The following SYDE2 variants were observed in gnomAD, a reference collection of about 807,000 sequenced individuals.
SYDE2 encodes the protein rho GTPase-activating protein SYDE2.
In SYDE2, 76 loss-of-function variants were observed where a neutral mutation model predicts 91.5. The ratio of observed to expected loss-of-function variants is 0.83; its 90% confidence interval spans 0.69 to 1.01. SYDE2 has a LOEUF of 1.01. SYDE2 is among the 50% of genes least tolerant of loss of function. SYDE2 has a pLI of 0.00. For synonymous variants in SYDE2, 513 were observed against 506.4 expected (o/e 1.01, Z -0.18); for missense variants, 1,364 against 1,367.7 (o/e 1.00, Z 0.04).
At chr1:85,200,197 AG>A in intron 1 of SYDE2, 54 bp downstream of exon 1, 1 of 1,609,686 alleles carries the variant, frequency 6.2e-7, no homozygotes, top group Non-Finnish European at 8.5e-7. Flanking sequence ...ACAGAAGCCC[AG>A]TCGGTAAACA....
In SYDE2 at chr1:85,200,817, G is replaced by A; in HGVS notation, c.180C>T (p.Ser60=). Residue 60 remains serine, a synonymous_variant, in exon 1 of 7, where the codon TCC becomes TCT. Coordinates refer to ENST00000341460, the MANE Select transcript of SYDE2 (RefSeq NM_032184.2). ...GGGGRPRQQV[S]PPRSPQREPR... is the part of the protein sequence containing the mutation. ...GCTCCCTCTGAGGCGACCGGGGCGG[G>A]GACACCTGCTGCCGAGGGCGTCCGC... The A allele has an allele frequency of 7.0e-7, 1 of 1,433,508 alleles. No individual in the cohort carries two copies. Among genetic ancestry groups the A allele is most frequent in the Non-Finnish European group, 9.1e-7 (1 of 1,101,590 alleles). The allele number at this position is 1,433,508 out of a possible 1,614,324, so 88.8% of individuals were successfully genotyped here.
At chr1:85,160,422 C>G in intron 6 of SYDE2, 2 of 893,052 alleles carry the variant, frequency 2.2e-6, no homozygotes, top group Non-Finnish European at 2.7e-6. Context: ...ATTTCTATTG[C>G]ATTTTAAAGA....
chr1:85,188,060 C>G (rs1349172903), intron 2 of SYDE2, among the ~76,000 whole-genome samples: 1 of 151,996 alleles, frequency 6.6e-6, no homozygotes, highest in Non-Finnish European at 1.5e-5. Context: ...TCACTTAAAT[C>G]AAGGTGTGTG....
Position 85,200,974 on chromosome 1 carries a change from G to A in SYDE2, c.23C>T (p.Ser8Leu), listed in dbSNP as rs1658818480. The A allele has an allele frequency of 7.7e-7, 1 of 1,304,584 alleles. No individual in the cohort carries two copies. The highest frequency in any genetic ancestry group is 3.0e-5 in the East Asian group (1 of 33,760). 80.8% of individuals were successfully genotyped at this position (1,304,584 alleles called of 1,614,324 possible). The change falls in exon 1 of 7, where the codon TCG (serine) becomes TTG (leucine). Residue 8 changes from serine (S) to leucine (L), a missense_variant. Physicochemically the swap from Ser to Leu is moderately radical, Grantham distance 145 (BLOSUM62 -2). Transcript: ENST00000341460. MHDLPPD[S>L]GARRGGRGLA... is the part of the protein sequence containing the mutation. ...GCCCCTGCCGCCCCGCCGCGCGCCCGAGTCAGGGGGCAGGTCGTGCATGGC... is the reference window on the plus strand; with the variant it reads ...GCCCCTGCCGCCCCGCCGCGCGCCCAAGTCAGGGGGCAGGTCGTGCATGGC...
intron 4 of SYDE2, among the ~76,000 whole-genome samples, chr1:85,175,652 T>C (rs1286600809): frequency 6.6e-6 from 1 of 152,220 alleles, no homozygotes; most frequent in African/African-American, 2.4e-5. Context: ...ATTTCATTAA[T>C]TTCTCATTTT....
chr1:85,190,875 G>T, intron 1 of SYDE2, 123 bp from the exon 2 acceptor site: 1 of 629,568 alleles, frequency 1.6e-6, no homozygotes, highest in Non-Finnish European at 2.6e-6. Flanking sequence ...CACATTCAGA[G>T]ACTAAAATTG....
At chr1:85,181,026 A>C (rs971290021) in intron 3 of SYDE2, 1 of 152,102 alleles carries the variant, frequency 6.6e-6, no homozygotes. Context: ...CACAAACTGG[A>C]GACAGAATGA....
chr1:85,177,559 C>A (rs545653785), intron 4 of SYDE2, among the ~76,000 whole-genome samples: 115 of 152,252 alleles, frequency 7.6e-4, no homozygotes, highest in African/African-American at 2.7e-3. Flanking sequence ...TCTTTCTCCA[C>A]CTCCTTTCAA....
intron 6 of SYDE2, chr1:85,159,909 GT>G (rs1487514385): frequency 1.0e-6 from 1 of 983,756 alleles, no homozygotes; most frequent in East Asian, 1.1e-4. Flanking sequence ...TTCTGGTTAG[GT>G]ATTTAACAAT....
chr1:85,177,743 C>A (rs115061438), intron 4 of SYDE2, among the ~76,000 whole-genome samples: 1 of 152,126 alleles, frequency 6.6e-6, no homozygotes, highest in Non-Finnish European at 1.5e-5. Flanking sequence ...TATGATATCA[C>A]TCCCCCACTC....
chr1:85,158,696 TAAAAC>T lies in SYDE2; in HGVS notation c.*49_*53del, dbSNP rs1467348657. On this transcript the variant is annotated 3_prime_UTR_variant, in exon 7 of 7. Transcript: ENST00000341460. ...CATCGCTGTGGGTGGTATAAGAAAA[TAAAAC>T]AAAAACAGATTTGAAACTTTAAGAC... 3.1e-6 allele frequency: 2 copies of T among 647,656 alleles called. No individual in the cohort carries two copies. The highest frequency in any genetic ancestry group is 1.9e-5 in the African/African-American group (1 of 53,678). 40.1% of individuals were successfully genotyped at this position (647,656 alleles called of 1,614,324 possible). A position where few individuals can be genotyped will look rare whatever the true frequency, so the allele number is the denominator to read the frequency against.
intron 1 of SYDE2, among the ~76,000 whole-genome samples, chr1:85,193,518 T>C (rs992991853): frequency 5.3e-5 from 8 of 152,236 alleles, no homozygotes; most frequent in Non-Finnish European, 7.3e-5. Context: ...ATGTTTCTAC[T>C]ACATTGCAAG....
At chr1:85,184,119 A>T (rs1452340044) in intron 2 of SYDE2, among the ~76,000 whole-genome samples, 1 of 152,224 alleles carries the variant, frequency 6.6e-6, no homozygotes, top group Non-Finnish European at 1.5e-5. Context: ...AAAAGAAGGT[A>T]CAAAATAAAA....
In SYDE2 at chr1:85,182,191, A is replaced by G; in HGVS notation, c.2451T>C (p.Asp817=). ...TTTCTTTCTCTACAACTTTTTGAATATCAACTCCAAATATTATTGGTTCTT... is the reference window on the plus strand; with the variant it reads ...TTTCTTTCTCTACAACTTTTTGAATGTCAACTCCAAATATTATTGGTTCTT... The part of the protein sequence containing the change: ...INQEPIIFGV[D]IQKVVEKENI... The change falls in exon 3 of 7, where the codon GAT becomes GAC. Residue 817 remains aspartate, a synonymous_variant. Coordinates refer to ENST00000341460, the MANE Select transcript of SYDE2 (RefSeq NM_032184.2). The G allele has an allele frequency of 1.9e-6, 3 of 1,607,676 alleles. No homozygotes were observed. Among genetic ancestry groups the G allele is most frequent in the Non-Finnish European group, 2.5e-6 (3 of 1,176,626 alleles).
chr1:85,193,433 T>C (rs1451315016), intron 1 of SYDE2, among the ~76,000 whole-genome samples: 1 of 152,232 alleles, frequency 6.6e-6, no homozygotes, highest in African/African-American at 2.4e-5. Flanking sequence ...TCCAAATTTT[T>C]ATATAGCTAG....
At chr1:85,187,172 A>T (rs1014309828) in intron 2 of SYDE2, among the ~76,000 whole-genome samples, 42 of 152,318 alleles carry the variant, frequency 2.8e-4, no homozygotes, top group African/African-American at 9.9e-4. Flanking sequence ...TTTACAAGAA[A>T]AAAACAAACA....
intron 2 of SYDE2, among the ~76,000 whole-genome samples, chr1:85,186,756 C>A (rs1658156999): frequency 6.6e-6 from 1 of 151,810 alleles, no homozygotes; most frequent in Admixed American, 6.6e-5. Flanking sequence ...GAAAAACAAG[C>A]AATGGGGAAA....
chr1:85,185,057 C>T (rs1469858393), intron 2 of SYDE2, among the ~76,000 whole-genome samples: 1 of 151,466 alleles, frequency 6.6e-6, no homozygotes, highest in African/African-American at 2.4e-5. Flanking sequence ...AAATAGATCA[C>T]TTTAGGTAAC....
intron 4 of SYDE2, among the ~76,000 whole-genome samples, chr1:85,177,637 G>A (rs1043596407): frequency 2.0e-5 from 3 of 151,910 alleles, no homozygotes; most frequent in Admixed American, 1.3e-4. Flanking sequence ...CCTGGACTAC[G>A]GCCAAGGCTT....
Sources: gnomAD v4.1 joint callset for allele counts (sites outside exome capture counted in the v4.1 genomes callset) on GRCh38, gnomAD v4.1.1 for gene constraint, MANE v1.5 for transcripts, NCBI Gene and HGNC (gene_info 2026-07-23, HGNC 2026-07-21) for gene names.